The following TMPRSS11E variants were observed in gnomAD, a reference collection of about 807,000 sequenced individuals.
TMPRSS11E encodes the protein transmembrane protease serine 11E.
A neutral mutation model predicts 48.1 loss-of-function variants in TMPRSS11E; 38 were observed. The observed-to-expected ratio is 0.79, with a 90% confidence interval of 0.61 to 1.04. The LOEUF is 1.04. Ranked by LOEUF, TMPRSS11E falls within the 50% of genes least tolerant of loss-of-function variation. The probability of loss-of-function intolerance (pLI) is 0.00; values close to 1 mark genes in which losing one functional copy is unlikely to be tolerated. For synonymous variants in TMPRSS11E, 158 were observed against 171.9 expected (o/e 0.92, Z 0.63); for missense variants, 530 against 510.8 (o/e 1.04, Z -0.36).
chr4:68,463,993 T>A (rs1483661599), intron 2 of TMPRSS11E, among the ~76,000 whole-genome samples: 3 of 152,202 alleles, frequency 2.0e-5, no homozygotes, highest in African/African-American at 7.2e-5. Flanking sequence ...CTTACTCATA[T>A]GTATACAGTG....
chr4:68,452,139 CAGTCA>C (rs1728515059), intron 1 of TMPRSS11E, among the ~76,000 whole-genome samples: 1 of 151,866 alleles, frequency 6.6e-6, no homozygotes, highest in African/African-American at 2.4e-5. Flanking sequence ...ATGGGTGAGT[CAGTCA>C]AGACAGAGAT....
At chr4:68,462,487 G>T (rs1728819641) in intron 2 of TMPRSS11E, among the ~76,000 whole-genome samples, 1 of 151,780 alleles carries the variant, frequency 6.6e-6, no homozygotes, top group African/African-American at 2.4e-5. Context: ...GGAGGCTGAG[G>T]CAGGAGAATC....
intron 9 of TMPRSS11E, among the ~76,000 whole-genome samples, chr4:68,480,885 A>G (rs560154304): frequency 1.8e-4 from 27 of 152,102 alleles, no homozygotes; most frequent in Non-Finnish European, 3.5e-4. Flanking sequence ...GGTTTGGTGT[A>G]CAAATTATTT....
At chr4:68,488,702 C>G (rs1729632281) in intron 9 of TMPRSS11E, among the ~76,000 whole-genome samples, 1 of 152,030 alleles carries the variant, frequency 6.6e-6, no homozygotes. Context: ...CCATGCCCGG[C>G]TAATTTTTTT....
intron 9 of TMPRSS11E, among the ~76,000 whole-genome samples, chr4:68,483,098 A>G (rs1183727644): frequency 6.6e-6 from 1 of 152,206 alleles, no homozygotes; most frequent in Non-Finnish European, 1.5e-5. Context: ...GTAATTTATT[A>G]GAAAAGATGT....
chr4:68,463,639 A>T (rs1728852559), intron 2 of TMPRSS11E, among the ~76,000 whole-genome samples: 1 of 152,176 alleles, frequency 6.6e-6, no homozygotes. Context: ...TTGCTGGAAT[A>T]ACTTTATAGT....
intron 4 of TMPRSS11E, among the ~76,000 whole-genome samples, chr4:68,470,368 A>G (rs1729031520): frequency 6.6e-6 from 1 of 151,890 alleles, no homozygotes; most frequent in Non-Finnish European, 1.5e-5. Flanking sequence ...GAAGTTTCAA[A>G]GAGAGTGTGG....
intron 9 of TMPRSS11E, among the ~76,000 whole-genome samples, chr4:68,486,416 G>A (rs13143784): frequency 0.33 from 49,676 of 151,988 alleles, 8,870 homozygotes; most frequent in East Asian, 0.77. Context: ...ACATTCAGGA[G>A]CAGGCTGTTT....
At chr4:68,462,493 G>T (rs949687104) in intron 2 of TMPRSS11E, among the ~76,000 whole-genome samples, 1 of 151,158 alleles carries the variant, frequency 6.6e-6, no homozygotes, top group African/African-American at 2.4e-5. Flanking sequence ...TGAGGCAGGA[G>T]AATCACTTGA....
rs1341278202 is a variant in TMPRSS11E, at chr4:68,496,819, A to G, written c.*15A>G. On this transcript the variant is annotated 3_prime_UTR_variant, in exon 10 of 10. Coordinates refer to ENST00000305363, the MANE Select transcript of TMPRSS11E (RefSeq NM_014058.4). ...CTGGTATCTAAGAGAGAAAAGCCTC[A>G]TGGAACAGATAACATTTTTTTTTGT... 2 of 1,598,146 alleles carry G rather than the reference A, an allele frequency of 1.3e-6. No individual in the cohort carries two copies. Among genetic ancestry groups the G allele is most frequent in the Admixed American group, 3.6e-5 (2 of 55,808 alleles).
chr4:68,477,269 A>C (rs1729247955), intron 7 of TMPRSS11E, 100 bp from the exon 8 acceptor site: 1 of 1,241,648 alleles, frequency 8.1e-7, no homozygotes, highest in East Asian at 2.4e-5. Context: ...AACTATAAAA[A>C]GAAAAAAAAA....
intron 9 of TMPRSS11E, among the ~76,000 whole-genome samples, chr4:68,492,753 C>T (rs1271482604): frequency 6.6e-6 from 1 of 152,130 alleles, no homozygotes; most frequent in Non-Finnish European, 1.5e-5. Context: ...CCTGGAAAAC[C>T]AACCCTGTAT....
intron 1 of TMPRSS11E, among the ~76,000 whole-genome samples, chr4:68,458,923 G>A (rs1728711736): frequency 6.6e-6 from 1 of 151,998 alleles, no homozygotes; most frequent in East Asian, 1.9e-4. Context: ...CCACTTGGGA[G>A]CTCAAAGTAC....
intron 4 of TMPRSS11E, 55 bp from the exon 5 acceptor site, chr4:68,471,405 C>A (rs1362510987): frequency 6.6e-6 from 2 of 304,616 alleles, no homozygotes; most frequent in South Asian, 6.8e-5. Flanking sequence ...TCCCTTCCTG[C>A]CTTTCTTTCT....
intron 9 of TMPRSS11E, among the ~76,000 whole-genome samples, chr4:68,493,031 G>A (rs1016154196): frequency 2.2e-4 from 34 of 151,644 alleles, no homozygotes; most frequent in Middle Eastern, 3.4e-3. Flanking sequence ...CAACTATCTC[G>A]GTTTCTATAG....
At chr4:68,469,402 C>T (rs2045099) in intron 4 of TMPRSS11E, among the ~76,000 whole-genome samples, 17,734 of 151,688 alleles carry the variant, frequency 0.12, 1,182 homozygotes, top group Non-Finnish European at 0.14. Context: ...GTCAACTAAC[C>T]ATTGATAAAT....
intron 2 of TMPRSS11E, among the ~76,000 whole-genome samples, chr4:68,463,041 C>T (rs1007195539): frequency 6.6e-6 from 1 of 152,132 alleles, no homozygotes; most frequent in African/African-American, 2.4e-5. Flanking sequence ...GGCACCGTAA[C>T]CATAGAAGCT....
intron 9 of TMPRSS11E, among the ~76,000 whole-genome samples, chr4:68,494,665 C>G (rs1346542850): frequency 2.0e-5 from 3 of 152,046 alleles, no homozygotes; most frequent in Non-Finnish European, 4.4e-5. Context: ...ACAGACTGGT[C>G]CCTCAAAAGC....
rs1206691711 is a variant in TMPRSS11E, at chr4:68,477,415, A to G, written c.754A>G (p.Lys252Glu). The change falls in exon 8 of 10, where the codon AAA becomes GAA. Residue 252 changes from lysine to glutamate, a missense_variant. Lys to Glu is a moderately conservative substitution (Grantham distance 56, BLOSUM62 1). Transcript: ENST00000305363. ...GACTGCTTCCTTTGGAGTAACAATA[A>G]AACCTTCGAAAATGAAACGGGGTCT... is the stretch of plus-strand genomic sequence containing the variant. ...RWTASFGVTI[K>E]PSKMKRGLRR... 6.2e-7 allele frequency: 1 copy of G among 1,614,108 alleles called. No individual in the cohort carries two copies. Among genetic ancestry groups the G allele is most frequent in the Non-Finnish European group, 8.5e-7 (1 of 1,179,974 alleles).
Sources: gnomAD v4.1 joint callset for allele counts (sites outside exome capture counted in the v4.1 genomes callset) on GRCh38, gnomAD v4.1.1 for gene constraint, MANE v1.5 for transcripts, NCBI Gene and HGNC (gene_info 2026-07-23, HGNC 2026-07-21) for gene names.